Variants in CRYBG1 observed in about 807,000 individuals in gnomAD.
CRYBG1 encodes the protein crystallin beta-gamma domain containing 1, also known as beta/gamma crystallin domain-containing protein 1.
In CRYBG1, 139 loss-of-function variants were observed where a neutral mutation model predicts 189.2. The ratio of observed to expected loss-of-function variants is 0.73; its 90% confidence interval spans 0.64 to 0.85. The LOEUF (loss-of-function observed/expected upper bound fraction) is 0.85, where lower values mean the gene tolerates loss of function less well. CRYBG1 is among the 40% of genes least tolerant of loss of function. The probability of loss-of-function intolerance (pLI) is 0.00; values close to 1 mark genes in which losing one functional copy is unlikely to be tolerated. For synonymous variants in CRYBG1, 1,023 were observed against 1,017.1 expected, an observed-to-expected ratio of 1.01 and a Z score of -0.11; for missense variants, 2,611 against 2,675.8, an observed-to-expected ratio of 0.98 and a Z score of 0.53.
intron 10 of CRYBG1, 129 bp from the exon 11 acceptor site, chr6:106,543,311 T>C (rs1268919773): frequency 1.9e-5 from 17 of 887,184 alleles, no homozygotes; most frequent in Non-Finnish European, 2.9e-5. Flanking sequence ...ATAACAGGCG[T>C]GAGCCACCGC....
rs182688813 is a variant in CRYBG1, at chr6:106,536,441, A to G, written c.4719-2962A>G. ...TCTTGTGAATAACCTCAAAGTCAGTACCTTCATATTTAATTTTTCAAGTAT... is the reference window on the plus strand; with the variant it reads ...TCTTGTGAATAACCTCAAAGTCAGTGCCTTCATATTTAATTTTTCAAGTAT... On this transcript the variant is annotated intron_variant, in intron 8 of 21. Transcript: ENST00000633556. Among the ~76,000 whole-genome samples the G allele has an allele frequency of 1.2e-3, 186 of 152,226 alleles. 1 individual carries two copies. The highest frequency in any genetic ancestry group is 4.3e-3 in the African/African-American group (179 of 41,534).
rs779392084 is a variant in CRYBG1 at position 106,519,520 on chromosome 6, C to T, written c.2312C>T (p.Ser771Phe). 7 of 1,614,136 alleles carry T rather than the reference C, an allele frequency of 4.3e-6. No homozygotes were observed. In the East Asian group the frequency reaches 1.6e-4, roughly 36 times the overall value. Residue 771 changes from serine to phenylalanine, a missense_variant, in exon 4 of 22, where the codon TCT (serine) becomes TTT (phenylalanine). Physicochemically the swap from Ser to Phe is radical, Grantham distance 155. Around this residue, in one of 3 missense-constraint regions of CRYBG1, gnomAD observed 1,622 missense variants for 1,735.0 expected, o/e 0.93. Transcript: ENST00000633556. ...GCAACCAGAGGAATGAATGGAGACT[C>T]TTCTGAGAATCAAGCTCTTGGTCCT... ...LPATRGMNGD[S>F]SENQALGPQP...
intron 1 of CRYBG1, 139 bp from the exon 2 acceptor site, chr6:106,451,555 C>T (rs1471131561): frequency 3.9e-5 from 32 of 828,972 alleles, no homozygotes; most frequent in African/African-American, 1.4e-4. Context: ...TCTACAACGC[C>T]GTGTAGGTTT....
intron 2 of CRYBG1, among the ~76,000 whole-genome samples, chr6:106,459,180 T>G (rs1018485764): frequency 1.3e-5 from 2 of 152,190 alleles, no homozygotes; most frequent in Non-Finnish European, 2.9e-5. Context: ...GAGTGATGTG[T>G]TTTGCTTTCC....
At chr6:106,428,991 C>T (rs1771276948) in intron 1 of CRYBG1, among the ~76,000 whole-genome samples, 1 of 152,186 alleles carries the variant, frequency 6.6e-6, no homozygotes, top group African/African-American at 2.4e-5. Flanking sequence ...AGAAACAACC[C>T]AAGCTGCTGT....
intron 1 of CRYBG1, among the ~76,000 whole-genome samples, chr6:106,447,547 AATAT>A (rs59943398): frequency 0.39 from 54,665 of 140,880 alleles, 10,784 homozygotes; most frequent in East Asian, 0.65. Context: ...GTACCTCATA[AATAT>A]ATATATATAT....
intron 2 of CRYBG1, among the ~76,000 whole-genome samples, chr6:106,505,810 A>G (rs1055635919): frequency 2.6e-5 from 4 of 152,030 alleles, no homozygotes; most frequent in African/African-American, 9.7e-5. Flanking sequence ...AACAAGTAAC[A>G]TGGCCAATCC....
chr6:106,541,995 C>G (rs1774140546), intron 10 of CRYBG1, among the ~76,000 whole-genome samples: 1 of 152,084 alleles, frequency 6.6e-6, no homozygotes. Context: ...CTCCAAAATA[C>G]CCTTTCTGCT....
At position 106,544,599 on chromosome 6, in the gene CRYBG1, A is replaced by G; in HGVS notation, c.5068A>G (p.Thr1690Ala). The G allele has an allele frequency of 6.2e-7, 1 of 1,613,952 alleles. No individual in the cohort carries two copies. The highest frequency in any genetic ancestry group is 1.1e-5 in the South Asian group (1 of 91,076). ...IWVAYEKPGF[T>A]GHQYLLEEGE... ...GGTTGCATATGAGAAACCTGGATTTACCGGTCATCAGTATTTGCTAGAAGA... is the reference window on the plus strand; with the variant it reads ...GGTTGCATATGAGAAACCTGGATTTGCCGGTCATCAGTATTTGCTAGAAGA... The change falls in exon 12 of 22, where the codon ACC becomes GCC. Residue 1690 changes from threonine (T) to alanine (A), a missense_variant. Around this residue, in one of 3 missense-constraint regions of CRYBG1, gnomAD observed 1,622 missense variants for 1,735.0 expected, o/e 0.93. Coordinates refer to ENST00000633556, the MANE Select transcript of CRYBG1 (RefSeq NM_001371242.2).
At chr6:106,430,294 G>C (rs1020758112) in intron 1 of CRYBG1, among the ~76,000 whole-genome samples, 1 of 152,142 alleles carries the variant, frequency 6.6e-6, no homozygotes, top group Non-Finnish European at 1.5e-5. Flanking sequence ...TTAGCTGGAT[G>C]CAGTGGCTCA....
intron 6 of CRYBG1, among the ~76,000 whole-genome samples, chr6:106,526,616 GTCTC>G (rs1773743039): frequency 6.6e-6 from 1 of 152,038 alleles, no homozygotes; most frequent in African/African-American, 2.4e-5. Context: ...GTAAGTTAAA[GTCTC>G]TCTAAGAGAA....
At chr6:106,514,652 G>A (rs1773378364) in intron 3 of CRYBG1, among the ~76,000 whole-genome samples, 1 of 152,170 alleles carries the variant, frequency 6.6e-6, no homozygotes, top group South Asian at 2.1e-4. Context: ...TGTACCTTAT[G>A]AAGGATGGTT....
intron 1 of CRYBG1, among the ~76,000 whole-genome samples, chr6:106,437,453 A>G (rs886305903): frequency 6.6e-5 from 10 of 151,812 alleles, no homozygotes; most frequent in Non-Finnish European, 1.0e-4. Flanking sequence ...TTTTTTTAAG[A>G]GATAGCATCT....
At chr6:106,515,103 C>T (rs1456386311) in intron 3 of CRYBG1, among the ~76,000 whole-genome samples, 6 of 152,276 alleles carry the variant, frequency 3.9e-5, no homozygotes, top group Non-Finnish European at 7.4e-5. Flanking sequence ...TAGCATGTTC[C>T]TTTATGCTGT....
At chr6:106,392,815 G>A (rs1770532968) in intron 1 of CRYBG1, among the ~76,000 whole-genome samples, 1 of 152,040 alleles carries the variant, frequency 6.6e-6, no homozygotes. Flanking sequence ...GCACAGGCTG[G>A]AGTGGCTGGA....
intron 2 of CRYBG1, among the ~76,000 whole-genome samples, chr6:106,490,593 T>C (rs1436046880): frequency 6.6e-6 from 1 of 152,222 alleles, no homozygotes; most frequent in Non-Finnish European, 1.5e-5. Context: ...TTTTCCAATA[T>C]GATATGGAAG....
chr6:106,451,879 A>C (rs1438040606), intron 2 of CRYBG1, 47 bp downstream of exon 2: 1 of 1,501,018 alleles, frequency 6.7e-7, no homozygotes, highest in South Asian at 1.2e-5. Flanking sequence ...AAACCCTTTA[A>C]AGAGCTAAAG....
intron 1 of CRYBG1, among the ~76,000 whole-genome samples, chr6:106,434,360 A>T (rs1771415153): frequency 6.6e-6 from 1 of 152,072 alleles, no homozygotes; most frequent in Non-Finnish European, 1.5e-5. Flanking sequence ...AAATTAAGTA[A>T]ATTTAAGGAT....
chr6:106,370,887 G>A (rs1397144441), intron 1 of CRYBG1, among the ~76,000 whole-genome samples: 1 of 152,018 alleles, frequency 6.6e-6, no homozygotes, highest in East Asian at 1.9e-4. Context: ...ACAACGATGA[G>A]ACTGTCTGAT....
Sources: gnomAD v4.1 joint callset for allele counts (sites outside exome capture counted in the v4.1 genomes callset) on GRCh38, gnomAD v4.1.1 for gene constraint, gnomAD v4.1.1 regional missense constraint, MANE v1.5 for transcripts, NCBI Gene and HGNC (gene_info 2026-07-23, HGNC 2026-07-21) for gene names.